The following FREM3 variants were observed in gnomAD, a reference collection of about 807,000 sequenced individuals.
The protein encoded by FREM3 is FRAS1-related extracellular matrix protein 3.
Under a neutral mutation model 129.1 loss-of-function variants are expected in FREM3, and 105 were observed. The ratio of observed to expected loss-of-function variants is 0.81; its 90% CI spans 0.69 to 0.96. The LOEUF is 0.96. FREM3 is among the 40% of genes least tolerant of loss of function. FREM3 has a pLI of 0.00. For missense variants in FREM3, 2,593 were observed against 2,666.3 expected (o/e 0.97, Z 0.61); for synonymous variants, 1,014 against 1,044.9 (o/e 0.97, Z 0.57).
intron 2 of FREM3, among the ~76,000 whole-genome samples, chr4:143,685,716 A>T (rs1162815280): frequency 1.3e-5 from 2 of 152,200 alleles, no homozygotes; most frequent in African/African-American, 4.8e-5. Context: ...GCTCCACTTA[A>T]AAGATACAGA....
At chr4:143,601,542 T>TA (rs2149837493) in intron 6 of FREM3, among the ~76,000 whole-genome samples, 1 of 152,346 alleles carries the variant, frequency 6.6e-6, no homozygotes, top group South Asian at 2.1e-4. Flanking sequence ...AAAGTGCTTA[T>TA]ATATAGAACA....
chr4:143,646,049 A>G (rs1189311797), intron 2 of FREM3, among the ~76,000 whole-genome samples: 1 of 152,222 alleles, frequency 6.6e-6, no homozygotes, highest in Non-Finnish European at 1.5e-5. Flanking sequence ...GAGAGAGATG[A>G]AGTATTTTAA....
At chr4:143,638,329 C>T (rs1739267593) in intron 2 of FREM3, among the ~76,000 whole-genome samples, 1 of 152,258 alleles carries the variant, frequency 6.6e-6, no homozygotes, top group South Asian at 2.1e-4. Flanking sequence ...TGGAAATACA[C>T]TGCGTGCCCA....
intron 2 of FREM3, among the ~76,000 whole-genome samples, chr4:143,667,781 T>C (rs780930587): frequency 1.3e-5 from 2 of 152,220 alleles, no homozygotes; most frequent in Non-Finnish European, 2.9e-5. Flanking sequence ...TTGAAACTCA[T>C]TGTGTGAATG....
At position 143,698,600 on chromosome 4, in the gene FREM3, G is replaced by A; in HGVS notation, c.2076C>T (p.Thr692=). The change falls in exon 1 of 8, where the codon ACC becomes ACT. Residue 692 remains threonine, a synonymous_variant. Coordinates refer to ENST00000329798, the MANE Select transcript of FREM3 (RefSeq NM_001168235.2). ...PPNLSKQHIF[T]IKVQPVDILS... ...GTATATCCACTGGTTGGACCTTGAT[G>A]GTGAAAATGTGCTGTTTGGAGAGAT... 1.3e-6 allele frequency: 2 copies of A among 1,537,812 alleles called. No homozygotes were observed. Among genetic ancestry groups the A allele is most frequent in the Non-Finnish European group, 1.7e-6 (2 of 1,147,028 alleles).
At chr4:143,622,991 C>A (rs753201600) in intron 4 of FREM3, among the ~76,000 whole-genome samples, 1 of 152,122 alleles carries the variant, frequency 6.6e-6, no homozygotes, top group Non-Finnish European at 1.5e-5. Flanking sequence ...ATACCTTGTT[C>A]ATTAGGTGGT....
intron 4 of FREM3, among the ~76,000 whole-genome samples, chr4:143,622,045 C>T (rs1738960302): frequency 6.6e-6 from 1 of 151,368 alleles, no homozygotes; most frequent in South Asian, 2.1e-4. Context: ...GTAGATTCTT[C>T]CTCTTAGTGA....
Position 143,699,555 on chromosome 4 carries a change from A to T in FREM3, c.1121T>A (p.Val374Asp), listed in dbSNP as rs1253093407. ...VSTDDPLGLP[V>D]SFFTQQELRE... ...CAGCTCCTGCTGGGTGAAGAAGGAG[A>T]CTGGAAGCCCTAGAGGGTCGTCGGT... The change falls in exon 1 of 8, where the codon GTC becomes GAC. Residue 374 changes from valine to aspartate, a missense_variant. By Grantham distance (152) the Val-to-Asp change is radical. Around this residue, in one of 2 missense-constraint regions of FREM3, gnomAD observed 2,276 missense variants for 2,267.2 expected, o/e 1.00. Transcript: ENST00000329798. The surrounding 1 kb of genome is among the most constrained non-coding windows in gnomAD (Gnocchi z 4.2). 8 of 1,536,938 alleles carry T rather than the reference A, an allele frequency of 5.2e-6. No individual in the cohort carries two copies. The highest frequency in any genetic ancestry group is 7.0e-6 in the Non-Finnish European group (8 of 1,146,772).
At chr4:143,682,131 A>C (rs1740262776) in intron 2 of FREM3, among the ~76,000 whole-genome samples, 1 of 152,248 alleles carries the variant, frequency 6.6e-6, no homozygotes, top group African/African-American at 2.4e-5. Context: ...AGCTAGAAGA[A>C]GAAAAATACA....
chr4:143,639,426 A>G (rs560197745), intron 2 of FREM3, among the ~76,000 whole-genome samples: 3 of 152,242 alleles, frequency 2.0e-5, no homozygotes, highest in African/African-American at 7.2e-5. Flanking sequence ...CTTACTTCGC[A>G]GGGCATCGTT....
intron 2 of FREM3, among the ~76,000 whole-genome samples, chr4:143,668,739 C>A (rs1254994345): frequency 6.6e-6 from 1 of 152,218 alleles, no homozygotes; most frequent in East Asian, 1.9e-4. Context: ...TATTTTGTTT[C>A]TCTGCCAATT....
chr4:143,598,661 G>A (rs1738522759), intron 6 of FREM3, among the ~76,000 whole-genome samples: 1 of 152,144 alleles, frequency 6.6e-6, no homozygotes, highest in African/African-American at 2.4e-5. Context: ...CAGTTTTTAT[G>A]TATAAGCATA....
intron 6 of FREM3, among the ~76,000 whole-genome samples, chr4:143,590,323 A>C (rs982984543): frequency 1.3e-5 from 2 of 152,206 alleles, no homozygotes; most frequent in Admixed American, 1.3e-4. Context: ...GCCAGTTTTC[A>C]AAGGGAATGT....
intron 6 of FREM3, among the ~76,000 whole-genome samples, chr4:143,599,766 T>TGGGCTGGATTCA (rs1553964929): frequency 6.6e-6 from 1 of 151,536 alleles, no homozygotes; most frequent in Non-Finnish European, 1.5e-5. Flanking sequence ...GGTCTATTCT[T>TGGGCTGGATTCA]GGGCTAGATT....
chr4:143,661,875 G>A (rs1009048799), intron 2 of FREM3, among the ~76,000 whole-genome samples: 15 of 152,276 alleles, frequency 9.9e-5, no homozygotes, highest in Admixed American at 2.6e-4. Flanking sequence ...GTTTGTTTGT[G>A]TAGAGGTGTT....
In FREM3 at chr4:143,621,127, T is replaced by C; in HGVS notation, c.5689A>G (p.Ile1897Val). The change falls in exon 5 of 8, where the codon ATA (isoleucine) becomes GTA (valine). Residue 1897 changes from isoleucine to valine, a missense_variant. Ile to Val is a conservative substitution (Grantham distance 29, BLOSUM62 3). Coordinates refer to ENST00000329798, the MANE Select transcript of FREM3 (RefSeq NM_001168235.2). ...TVYIPEAEYK[I>V]EEDIGELLIP... ...AAAAGTTCCCCAATGTCCTCTTCTA[T>C]TTTGTATTCCGCCTCTGGAATATAA... The C allele has an allele frequency of 1.3e-6, 2 of 1,537,022 alleles. No homozygotes were observed. The highest frequency in any genetic ancestry group is 1.7e-6 in the Non-Finnish European group (2 of 1,146,664).
intron 6 of FREM3, among the ~76,000 whole-genome samples, chr4:143,590,407 G>A (rs374653854): frequency 1.4e-4 from 22 of 152,240 alleles, no homozygotes; most frequent in East Asian, 3.9e-4. Flanking sequence ...TTTGTGATAC[G>A]TCCCATCAAT....
At chr4:143,589,590 A>C in intron 6 of FREM3, among the ~76,000 whole-genome samples, 1 of 152,004 alleles carries the variant, frequency 6.6e-6, no homozygotes. Flanking sequence ...CTTCTGTTCC[A>C]TTGGTCTATA....
At chr4:143,599,279 C>T (rs1468101026) in intron 6 of FREM3, among the ~76,000 whole-genome samples, 1 of 152,102 alleles carries the variant, frequency 6.6e-6, no homozygotes, top group Non-Finnish European at 1.5e-5. Flanking sequence ...AGAAAAATAA[C>T]TAGCTGTCAG....
Sources: allele counts gnomAD v4.1 joint callset (sites outside exome capture counted in the v4.1 genomes callset), GRCh38; gene constraint gnomAD v4.1.1; regional missense constraint gnomAD v4.1.1; non-coding constraint Gnocchi (gnomAD v3.1); transcripts MANE v1.5; gene names NCBI Gene and HGNC (gene_info 2026-07-23, HGNC 2026-07-21).